Variants in CREB3L2 observed in about 807,000 individuals in gnomAD.
CREB3L2 encodes the protein cAMP responsive element binding protein 3 like 2, also known as cyclic AMP-responsive element-binding protein 3-like protein 2.
A neutral mutation model predicts 57.2 loss-of-function variants in CREB3L2; 23 were observed. The ratio of observed to expected loss-of-function variants is 0.40; its 90% CI spans 0.29 to 0.57. The LOEUF is 0.57. Among genes scored for constraint, CREB3L2 ranks in the 20% least tolerant of loss-of-function variants. The pLI is 0.42. For synonymous variants in CREB3L2, 268 were observed against 265.1 expected (o/e 1.01, Z -0.11); for missense variants, 628 against 634.7 (o/e 0.99, Z 0.11).
chr7:137,905,756 C>A lies in CREB3L2; in HGVS notation c.861G>T (p.Leu287=), dbSNP rs1372960538. ...EGYPIPTKLP[L]SKSEEKALKK... is the part of the protein sequence containing the mutation. The stretch of plus-strand genomic sequence containing the variant: ...TCAGGGCCTTCTCCTCTGATTTTGA[C>A]AGGGGCAATTTGGTGGGGATGGGAT... Residue 287 remains leucine, a synonymous_variant, in exon 6 of 12, where the codon CTG becomes CTT. Coordinates refer to ENST00000330387, the MANE Select transcript of CREB3L2 (RefSeq NM_194071.4). The A allele has an allele frequency of 3.1e-6, 5 of 1,614,148 alleles. No individual in the cohort carries two copies. The highest frequency in any genetic ancestry group is 4.2e-6 in the Non-Finnish European group (5 of 1,179,990).
Position 137,878,254 on chromosome 7 carries a change from C to T in CREB3L2, c.*2222G>A, listed in dbSNP as rs1301445007. On this transcript the variant is annotated 3_prime_UTR_variant, in exon 12 of 12. Coordinates refer to ENST00000330387, the MANE Select transcript of CREB3L2 (RefSeq NM_194071.4). ...GAAGAGCACGTTTCCTACTCTACGT[C>T]TGGGAGCCTTGAAAACCCAGTCTGG... is the stretch of plus-strand genomic sequence containing the variant. 1 of 232,712 alleles carries T rather than the reference C, an allele frequency of 4.3e-6. No individual in the cohort carries two copies. The highest frequency in any genetic ancestry group is 8.5e-6 in the Non-Finnish European group (1 of 117,792). The allele number at this position is 232,712 out of a possible 1,614,324, so 14.4% of individuals were successfully genotyped here. A position where few individuals can be genotyped will look rare whatever the true frequency, so the allele number is the denominator to read the frequency against.
At chr7:137,922,936 C>T (rs1800369120) in intron 2 of CREB3L2, among the ~76,000 whole-genome samples, 1 of 152,004 alleles carries the variant, frequency 6.6e-6, no homozygotes, top group African/African-American at 2.4e-5. Flanking sequence ...GCTCTGGAAG[C>T]TGGGGAAAGG....
intron 1 of CREB3L2, among the ~76,000 whole-genome samples, chr7:137,950,246 GT>G (rs1227816399): frequency 1.3e-5 from 2 of 152,182 alleles, no homozygotes; most frequent in Non-Finnish European, 2.9e-5. Context: ...GAGGGGTACT[GT>G]GTTTTCCAAT....
chr7:137,965,153 C>T (rs1450525460), intron 1 of CREB3L2, among the ~76,000 whole-genome samples: 1 of 152,180 alleles, frequency 6.6e-6, no homozygotes, highest in East Asian at 1.9e-4. Flanking sequence ...AGGTAACATT[C>T]TAAATTCAAC....
Position 137,916,019 on chromosome 7 carries a change from GA to G in CREB3L2, c.320-8del. On this transcript the variant is annotated splice_region_variant and splice_polypyrimidine_tract_variant and intron_variant, in intron 2 of 11. Coordinates refer to ENST00000330387, the MANE Select transcript of CREB3L2 (RefSeq NM_194071.4). ...TTCTCACTTTCCACCTCATCTGCAG[GA>G]AAAAAGACAAGCACACATGTGAACT... 6.2e-7 allele frequency: 1 copy of G among 1,601,346 alleles called. No homozygotes were observed. The highest frequency in any genetic ancestry group is 8.5e-7 in the Non-Finnish European group (1 of 1,174,616).
intron 1 of CREB3L2, among the ~76,000 whole-genome samples, chr7:137,948,151 G>T (rs1054613396): frequency 2.0e-5 from 3 of 152,208 alleles, no homozygotes; most frequent in African/African-American, 7.2e-5. Flanking sequence ...CTGCTCTTGT[G>T]TCTACCACCT....
chr7:137,993,642 C>T (rs1413464628), intron 1 of CREB3L2, among the ~76,000 whole-genome samples: 1 of 152,230 alleles, frequency 6.6e-6, no homozygotes, highest in Non-Finnish European at 1.5e-5. Flanking sequence ...GCCTCAGCCT[C>T]TGAAAGCGCT....
At chr7:137,901,633 C>A (rs1799760297) in intron 7 of CREB3L2, among the ~76,000 whole-genome samples, 1 of 150,922 alleles carries the variant, frequency 6.6e-6, no homozygotes, top group Admixed American at 6.6e-5. Flanking sequence ...GTAATCCCAG[C>A]ACTTTGGGAG....
At chr7:137,960,410 T>C (rs1354967400) in intron 1 of CREB3L2, among the ~76,000 whole-genome samples, 1 of 152,064 alleles carries the variant, frequency 6.6e-6, no homozygotes, top group Non-Finnish European at 1.5e-5. Flanking sequence ...CATACACACA[T>C]GCACACACAC....
intron 1 of CREB3L2, among the ~76,000 whole-genome samples, chr7:137,981,721 T>C (rs904538071): frequency 6.6e-6 from 1 of 152,260 alleles, no homozygotes; most frequent in Non-Finnish European, 1.5e-5. Flanking sequence ...ATTGTCTGCT[T>C]TGAGTCCGAA....
rs192502320 is a variant in CREB3L2 at position 137,907,263 on chromosome 7, A to G, written c.768+989T>C. ...TCAGGGCTTGGTACCAACAAGTAACAGGGAAATACAACATAGTTGTTGGGC... is the reference window on the plus strand; with the variant it reads ...TCAGGGCTTGGTACCAACAAGTAACGGGGAAATACAACATAGTTGTTGGGC... On this transcript the variant is annotated intron_variant, in intron 5 of 11. Transcript: ENST00000330387. Among the ~76,000 whole-genome samples the G allele has an allele frequency of 1.1e-4, 16 of 152,318 alleles. No homozygotes were observed. In the East Asian group the frequency reaches 2.9e-3, roughly 28 times the overall value.
intron 1 of CREB3L2, among the ~76,000 whole-genome samples, chr7:137,959,286 G>A (rs186711233): frequency 6.6e-6 from 1 of 152,222 alleles, no homozygotes; most frequent in East Asian, 1.9e-4. Flanking sequence ...GGCACTTCCA[G>A]TCTCCCTCCT....
rs937454614 is a variant in CREB3L2 at position 137,973,202 on chromosome 7, T to C, written c.102+28402A>G. Among the ~76,000 whole-genome samples, 5 of 150,462 alleles carry C rather than the reference T, an allele frequency of 3.3e-5. No homozygotes were observed. The East Asian group carries it at 9.8e-4, about 29-fold the overall frequency. On this transcript the variant is annotated intron_variant, in intron 1 of 11. Transcript: ENST00000330387. ...AAAAAAAAAAAAAAGAAATAGCATA[T>C]CATGAAAAACTAAAATGGTTTGAAA... is the stretch of plus-strand genomic sequence containing the variant.
chr7:137,966,653 T>C (rs1265071194), intron 1 of CREB3L2, among the ~76,000 whole-genome samples: 1 of 152,086 alleles, frequency 6.6e-6, no homozygotes, highest in East Asian at 1.9e-4. Context: ...ATAAAAATAA[T>C]AAGGAAATTT....
At chr7:137,966,160 C>G (rs1332776214) in intron 1 of CREB3L2, among the ~76,000 whole-genome samples, 2 of 152,156 alleles carry the variant, frequency 1.3e-5, no homozygotes. Flanking sequence ...AGATCAGAGA[C>G]AGGAAGTGCA....
intron 1 of CREB3L2, among the ~76,000 whole-genome samples, chr7:137,977,196 G>T (rs1038527915): frequency 6.6e-6 from 1 of 152,172 alleles, no homozygotes; most frequent in African/African-American, 2.4e-5. Flanking sequence ...TGGAAATGGG[G>T]TTGCAGGGCT....
Position 137,914,248 on chromosome 7 carries a change from G to A in CREB3L2, c.496-1170C>T, listed in dbSNP as rs139450763. On this transcript the variant is annotated intron_variant, in intron 3 of 11. Transcript: ENST00000330387. Reference sequence around the variant, plus strand: ...CTAATGACTGATGGTATCTAATCACGAAAATCCTGGTAGGGAAAGGAGAAA... The same window carrying A: ...CTAATGACTGATGGTATCTAATCACAAAAATCCTGGTAGGGAAAGGAGAAA... Among the ~76,000 whole-genome samples, 869 of 151,868 alleles carry A rather than the reference G, an allele frequency of 5.7e-3. 4 individuals carry two copies. Among genetic ancestry groups the A allele is most frequent in the African/African-American group, 0.02 (836 of 41,386 alleles).
At chr7:137,912,733 A>G in intron 4 of CREB3L2, 1 of 1,045,592 alleles carries the variant, frequency 9.6e-7, no homozygotes, top group Non-Finnish European at 1.4e-6. Context: ...GTTTTGAAAA[A>G]TATCACCCTG....
chr7:137,884,852 C>A (rs779716776), intron 10 of CREB3L2, 143 bp downstream of exon 10: 1 of 1,193,914 alleles, frequency 8.4e-7, no homozygotes, highest in Non-Finnish European at 1.2e-6. Flanking sequence ...GGAACCCCCA[C>A]TTGCCTCTTC....
Sources: allele counts gnomAD v4.1 joint callset (sites outside exome capture counted in the v4.1 genomes callset), GRCh38; gene constraint gnomAD v4.1.1; transcripts MANE v1.5; gene names NCBI Gene and HGNC (gene_info 2026-07-23, HGNC 2026-07-21).